Variants in SV2C observed in about 807,000 individuals in gnomAD.
SV2C encodes the protein synaptic vesicle glycoprotein 2C.
In SV2C, 49 loss-of-function variants were observed where a neutral mutation model predicts 79.7. That is an observed-to-expected ratio of 0.61 (90% CI 0.49 to 0.78). The LOEUF (loss-of-function observed/expected upper bound fraction) is 0.78, where lower values mean the gene tolerates loss of function less well. Among genes scored for constraint, SV2C ranks in the 30% least tolerant of loss-of-function variants. The probability of loss-of-function intolerance (pLI) is 0.00; values close to 1 mark genes in which losing one functional copy is unlikely to be tolerated. For synonymous variants in SV2C, 334 were observed against 333.2 expected (o/e 1.00, Z -0.03); for missense variants, 833 against 912.9 (o/e 0.91, Z 1.13).
the SV2C span, among the ~76,000 whole-genome samples, chr5:75,934,956 G>A: frequency 6.7e-6 from 1 of 148,348 alleles, no homozygotes; most frequent in Admixed American, 6.7e-5. Context: ...GTTATATCAT[G>A]GAAAAGAGCA....
the SV2C span, among the ~76,000 whole-genome samples, chr5:76,048,813 GAAAA>G: frequency 4.7e-3 from 580 of 122,792 alleles, 4 homozygotes; most frequent in African/African-American, 7.5e-3. Context: ...TCCAGATTGT[GAAAA>G]AAAAAAAAAT....
At chr5:75,866,584 G>A in the SV2C span, among the ~76,000 whole-genome samples, 1 of 152,210 alleles carries the variant, frequency 6.6e-6, no homozygotes, top group Non-Finnish European at 1.5e-5. Context: ...GGCCAAGGCT[G>A]AAGCTTATTT....
At chr5:76,137,340 G>T (rs1409517329) in intron 2 of SV2C, among the ~76,000 whole-genome samples, 1 of 152,242 alleles carries the variant, frequency 6.6e-6, no homozygotes, top group East Asian at 1.9e-4. Context: ...AGAATCGGAA[G>T]CATTTCTGGA....
At chr5:75,900,802 C>G in the SV2C span, among the ~76,000 whole-genome samples, 3 of 152,228 alleles carry the variant, frequency 2.0e-5, no homozygotes, top group South Asian at 4.1e-4. Flanking sequence ...TCTTTTTTCT[C>G]TAAACTTCCC....
the SV2C span, among the ~76,000 whole-genome samples, chr5:76,064,029 TG>T: frequency 6.6e-6 from 1 of 152,124 alleles, no homozygotes; most frequent in Non-Finnish European, 1.5e-5. Context: ...GATAACAATG[TG>T]GTGGGGAACA....
the SV2C span, among the ~76,000 whole-genome samples, chr5:75,993,396 G>A: frequency 0.28 from 42,042 of 151,772 alleles, 6,998 homozygotes; most frequent in Middle Eastern, 0.41. Context: ...CAAGGGAGCG[G>A]GGAGGCAAAG....
chr5:76,105,454 C>G (rs1747880035), intron 1 of SV2C, among the ~76,000 whole-genome samples: 1 of 152,164 alleles, frequency 6.6e-6, no homozygotes, highest in Non-Finnish European at 1.5e-5. Flanking sequence ...CCCAGGGGTT[C>G]TCTCTCGGTC....
chr5:76,070,477 C>CTTACAA, the SV2C span, among the ~76,000 whole-genome samples: 2 of 152,194 alleles, frequency 1.3e-5, no homozygotes, highest in African/African-American at 2.4e-5. Context: ...TAAATCTGGA[C>CTTACAA]ATGCTTTGTA....
the SV2C span, among the ~76,000 whole-genome samples, chr5:75,999,876 G>T: frequency 1.1e-4 from 16 of 152,156 alleles, no homozygotes; most frequent in Non-Finnish European, 8.8e-5. Context: ...TGAAGTGTGA[G>T]TCTCACGTGG....
the SV2C span, among the ~76,000 whole-genome samples, chr5:76,020,843 C>G: frequency 5.9e-5 from 9 of 152,248 alleles, no homozygotes; most frequent in Non-Finnish European, 1.3e-4. Flanking sequence ...TTCCACATTG[C>G]TTACTGAAGG....
intron 4 of SV2C, among the ~76,000 whole-genome samples, chr5:76,257,086 A>G (rs1352171210): frequency 7.2e-6 from 1 of 139,496 alleles, no homozygotes; most frequent in African/African-American, 2.5e-5. Flanking sequence ...AGAAACCTGC[A>G]CAGGTGTTCT....
chr5:75,921,292 AAAAGGC>A, the SV2C span: 1 of 1,483,070 alleles, frequency 6.7e-7, no homozygotes, highest in South Asian at 1.2e-5. Context: ...CCCACTTGTC[AAAAGGC>A]TCCACGAGCT....
At chr5:75,941,908 A>C in the SV2C span, among the ~76,000 whole-genome samples, 1 of 152,224 alleles carries the variant, frequency 6.6e-6, no homozygotes, top group African/African-American at 2.4e-5. Context: ...GGAGAAAGGA[A>C]TGCTGCACAG....
intron 1 of SV2C, among the ~76,000 whole-genome samples, chr5:76,099,655 A>G (rs937392675): frequency 1.3e-5 from 2 of 152,160 alleles, no homozygotes; most frequent in African/African-American, 4.8e-5. Flanking sequence ...GCTTCTCAAC[A>G]TAACATCTTC....
downstream of SV2C, among the ~76,000 whole-genome samples, chr5:76,335,706 C>T (rs1749304153): frequency 6.6e-6 from 1 of 152,104 alleles, no homozygotes; most frequent in African/African-American, 2.4e-5. Flanking sequence ...TGAGTGGACA[C>T]AGCACATGTT....
chr5:75,966,120 A>C, the SV2C span, among the ~76,000 whole-genome samples: 2 of 152,202 alleles, frequency 1.3e-5, no homozygotes, highest in African/African-American at 4.8e-5. Context: ...CAAATTGTGG[A>C]GGAAAGTATA....
chr5:75,970,241 C>T, the SV2C span, among the ~76,000 whole-genome samples: 3 of 152,024 alleles, frequency 2.0e-5, no homozygotes, highest in Non-Finnish European at 4.4e-5. Context: ...AAAATTGACA[C>T]TCTAAAATCA....
At chr5:75,911,542 C>A in the SV2C span, 1 of 668,342 alleles carries the variant, frequency 1.5e-6, no homozygotes, top group Non-Finnish European at 2.7e-6. Context: ...GACTGAGACT[C>A]CAAGTCCTAG....
the SV2C span, among the ~76,000 whole-genome samples, chr5:75,916,511 G>C: frequency 6.6e-6 from 1 of 150,878 alleles, no homozygotes; most frequent in African/African-American, 2.4e-5. Context: ...GTCTCACTCT[G>C]TTGCTCAGTC....
Sources: gnomAD v4.1 joint callset for allele counts (sites outside exome capture counted in the v4.1 genomes callset) on GRCh38, gnomAD v4.1.1 for gene constraint, MANE v1.5 for transcripts, NCBI Gene and HGNC (gene_info 2026-07-23, HGNC 2026-07-21) for gene names.